RB1: variants seen among roughly 807,000 people sequenced by gnomAD.
The protein encoded by RB1 is RB transcriptional corepressor 1.
RB1 carries 18 observed loss-of-function variants against 135.4 expected under a neutral mutation model. The observed-to-expected ratio is 0.13, with a 90% confidence interval of 0.09 to 0.20. The LOEUF (loss-of-function observed/expected upper bound fraction) is 0.20. Among genes scored for constraint, RB1 ranks in the 10% least tolerant of loss-of-function variants. The probability of loss-of-function intolerance (pLI) is 1.00; values close to 1 mark genes in which losing one functional copy is unlikely to be tolerated. For missense variants in RB1, 868 were observed against 1,110.0 expected (o/e 0.78, Z 3.10); for synonymous variants, 365 against 373.2 (o/e 0.98, Z 0.25).
At chr13:48,372,379 G>A (rs1952767543) in intron 11 of RB1, among the ~76,000 whole-genome samples, 1 of 152,182 alleles carries the variant, frequency 6.6e-6, no homozygotes, top group African/African-American at 2.4e-5. Context: ...TGAAAGACGA[G>A]GCTGGGTGTG....
chr13:48,461,197 A>G (rs1466598905), intron 20 of RB1, among the ~76,000 whole-genome samples: 2 of 151,918 alleles, frequency 1.3e-5, no homozygotes, highest in African/African-American at 2.4e-5. Context: ...CCAAGGCAAT[A>G]CTAATCTATT....
At chr13:48,450,052 C>T (rs921966830) in intron 17 of RB1, among the ~76,000 whole-genome samples, 4 of 150,642 alleles carry the variant, frequency 2.7e-5, no homozygotes, top group African/African-American at 9.7e-5. Context: ...AAAATTTTCT[C>T]CCATTCTGTA....
intron 6 of RB1, among the ~76,000 whole-genome samples, chr13:48,354,019 G>A (rs1181311768): frequency 6.6e-6 from 1 of 152,018 alleles, no homozygotes; most frequent in Non-Finnish European, 1.5e-5. Flanking sequence ...TTTCCTCTAA[G>A]ATCTAGAACA....
chr13:48,457,011 G>A (rs1463866627), intron 19 of RB1, among the ~76,000 whole-genome samples: 1 of 152,210 alleles, frequency 6.6e-6, no homozygotes, highest in East Asian at 1.9e-4. Flanking sequence ...GCGAGCAAGG[G>A]GCATGTTTCA....
rs142161994 is a variant in RB1, at chr13:48,404,977, G to A, written c.1695+23534G>A. Among the ~76,000 whole-genome samples, 142 of 152,244 alleles carry A rather than the reference G, an allele frequency of 9.3e-4. No individual in the cohort carries two copies. The Middle Eastern group carries it at 0.01, about 11-fold the overall frequency. Reference sequence around the variant, plus strand: ...AACCTAAAATTTGTCAAATATGACAGCAAAATGAAATTTGGAAATGCAAGG... The same window carrying A: ...AACCTAAAATTTGTCAAATATGACAACAAAATGAAATTTGGAAATGCAAGG... On this transcript the variant is annotated intron_variant, in intron 17 of 26. Coordinates refer to ENST00000267163, the MANE Select transcript of RB1 (RefSeq NM_000321.3).
intron 7 of RB1, 145 bp downstream of exon 7, chr13:48,360,272 A>G: frequency 6.8e-7 from 1 of 1,468,118 alleles, no homozygotes; most frequent in Admixed American, 2.3e-5. Context: ...AGTGTAAGTT[A>G]TAGAAGGAAA....
intron 6 of RB1, 60 bp downstream of exon 6, chr13:48,349,083 C>A (rs2138093995): frequency 6.6e-7 from 1 of 1,514,630 alleles, no homozygotes; most frequent in Non-Finnish European, 9.0e-7. Context: ...AATTGGCATT[C>A]CTTTGGACTA....
At chr13:48,442,349 T>C (rs1949246100) in intron 17 of RB1, among the ~76,000 whole-genome samples, 1 of 152,090 alleles carries the variant, frequency 6.6e-6, no homozygotes, top group Non-Finnish European at 1.5e-5. Context: ...TACAGGCGCA[T>C]GCAACCATGC....
rs1593424882 is a variant in RB1 at position 48,324,640 on chromosome 13, T to C, written c.264+17234T>C. Among the ~76,000 whole-genome samples, 3 of 152,336 alleles carry C rather than the reference T, an allele frequency of 2.0e-5. No homozygotes were observed. In the East Asian group the frequency reaches 5.8e-4, roughly 29 times the overall value. On this transcript the variant is annotated intron_variant, in intron 2 of 26. Coordinates refer to ENST00000267163, the MANE Select transcript of RB1 (RefSeq NM_000321.3). ...TGGGCATTCAGGTTAATTCCATGTC[T>C]TGGCTGTTGGGAAAAATGCAGCATT...
chr13:48,379,520 A>AG, intron 13 of RB1, 74 bp from the exon 14 acceptor site: 1 of 1,177,574 alleles, frequency 8.5e-7, no homozygotes, highest in Admixed American at 3.3e-5. Flanking sequence ...ACTCCATCTC[A>AG]AAAAAAAAAA....
At chr13:48,350,502 A>G (rs2138095769) in intron 6 of RB1, among the ~76,000 whole-genome samples, 1 of 152,294 alleles carries the variant, frequency 6.6e-6, no homozygotes, top group East Asian at 1.9e-4. Context: ...ACCAAAACCT[A>G]TGGGATACAG....
chr13:48,338,641 G>T (rs184977572), intron 2 of RB1, among the ~76,000 whole-genome samples: 1 of 152,186 alleles, frequency 6.6e-6, no homozygotes, highest in South Asian at 2.1e-4. Context: ...TCTTTAGCTC[G>T]GAGAAGTTTG....
At chr13:48,475,421 G>C (rs772400660) in intron 24 of RB1, among the ~76,000 whole-genome samples, 3 of 152,184 alleles carry the variant, frequency 2.0e-5, no homozygotes, top group Non-Finnish European at 2.9e-5. Context: ...TATTCAAATG[G>C]CTGTTGGCTG....
At position 48,463,801 on chromosome 13, in the gene RB1, C is replaced by T. The variant is rs1949419856; in HGVS notation, c.2177C>T (p.Thr726Ile). The change falls in exon 21 of 27, where the codon ACA (threonine) becomes ATA (isoleucine). Residue 726 changes from threonine (T) to isoleucine (I), a missense_variant. This residue lies in a region of RB1 where 31 missense variants were observed against 78.9 expected (regional missense o/e 0.39). Transcript: ENST00000267163. ...GACCTTAAATTCAAAATCATTGTAACAGCATACAAGGATCTTCCTCATGCT... is the reference window on the plus strand; with the variant it reads ...GACCTTAAATTCAAAATCATTGTAATAGCATACAAGGATCTTCCTCATGCT... ...NIDLKFKIIV[T>I]AYKDLPHAVQ... The T allele has an allele frequency of 6.2e-7, 1 of 1,607,524 alleles. No individual in the cohort carries two copies. Among genetic ancestry groups the T allele is most frequent in the Non-Finnish European group, 8.5e-7 (1 of 1,174,300 alleles).
At chr13:48,334,126 A>G (rs1013268578) in intron 2 of RB1, among the ~76,000 whole-genome samples, 3 of 152,210 alleles carry the variant, frequency 2.0e-5, no homozygotes, top group Non-Finnish European at 4.4e-5. Flanking sequence ...TTTTCTGGAA[A>G]TAGAATCAAC....
intron 12 of RB1, among the ~76,000 whole-genome samples, chr13:48,373,992 A>G (rs760615095): frequency 2.0e-5 from 3 of 152,164 alleles, no homozygotes; most frequent in Non-Finnish European, 4.4e-5. Context: ...AAGAAGTCTT[A>G]TGCCACTCAA....
intron 17 of RB1, chr13:48,411,143 T>G: frequency 2.7e-6 from 1 of 374,834 alleles, no homozygotes; most frequent in Non-Finnish European, 4.9e-6. Context: ...CTAAATAACT[T>G]TAAGAGATTT....
chr13:48,463,921 T>A, intron 21 of RB1, 86 bp downstream of exon 21: 21 of 824,744 alleles, frequency 2.5e-5, no homozygotes, highest in Non-Finnish European at 3.8e-5. Context: ...ATTTATTCAT[T>A]AATGAGATCA....
intron 2 of RB1, chr13:48,328,230 T>G: frequency 6.9e-7 from 1 of 1,452,230 alleles, no homozygotes; most frequent in East Asian, 2.3e-5. Flanking sequence ...CATCCTCATC[T>G]TTGCTTCTGG....
Sources: gnomAD v4.1 joint callset for allele counts (sites outside exome capture counted in the v4.1 genomes callset) on GRCh38, gnomAD v4.1.1 for gene constraint, gnomAD v4.1.1 regional missense constraint, MANE v1.5 for transcripts, NCBI Gene and HGNC (gene_info 2026-07-23, HGNC 2026-07-21) for gene names.